Variants in GRM5 observed in about 807,000 individuals in gnomAD.
GRM5 encodes glutamate metabotropic receptor 5.
A neutral mutation model predicts 83.1 loss-of-function variants in GRM5; 19 were observed. That is an observed-to-expected ratio of 0.23 (90% CI 0.16 to 0.34). The LOEUF is 0.34. GRM5 is among the 10% of genes least tolerant of loss of function. The pLI is 1.00. For synonymous variants in GRM5, 675 were observed against 633.6 expected (o/e 1.07, Z -0.98); for missense variants, 1,160 against 1,588.3 (o/e 0.73, Z 4.58).
chr11:88,791,724 C>T lies in GRM5; in HGVS notation c.911+58182G>A, dbSNP rs1943176789. On this transcript the variant is annotated intron_variant, in intron 3 of 9. Transcript: ENST00000305447. ...AGGACATTTAAATTATTTTAAGATA[C>T]TCTATCAATATTTTAAAAGCATACA... is the stretch of plus-strand genomic sequence containing the variant. 2.0e-5 allele frequency among the ~76,000 whole-genome samples: 3 copies of T among 152,124 alleles called. No homozygotes were observed. In the South Asian group the frequency reaches 6.2e-4, roughly 32 times the overall value.
At chr11:88,517,735 G>A (rs966668979) in intron 9 of GRM5, among the ~76,000 whole-genome samples, 1 of 152,068 alleles carries the variant, frequency 6.6e-6, no homozygotes, top group African/African-American at 2.4e-5. Context: ...TACATGTCAG[G>A]CGGTTCCCAT....
intron 3 of GRM5, among the ~76,000 whole-genome samples, chr11:88,739,617 T>C (rs1013739466): frequency 1.2e-4 from 18 of 152,058 alleles, no homozygotes; most frequent in Admixed American, 3.3e-4. Context: ...TGTCCCATGT[T>C]GTTCTCGTGA....
intron 3 of GRM5, among the ~76,000 whole-genome samples, chr11:88,673,096 C>T (rs1478041968): frequency 6.6e-6 from 1 of 151,894 alleles, no homozygotes; most frequent in Non-Finnish European, 1.5e-5. Context: ...GTGAACATGA[C>T]ACAGTCTAAT....
intron 3 of GRM5, among the ~76,000 whole-genome samples, chr11:88,763,725 C>T (rs1942573772): frequency 6.6e-6 from 1 of 151,610 alleles, no homozygotes; most frequent in Admixed American, 6.6e-5. Context: ...ATGTAATCCC[C>T]ATGGTAACCA....
intron 8 of GRM5, among the ~76,000 whole-genome samples, chr11:88,561,486 C>T (rs530104114): frequency 2.6e-5 from 4 of 152,190 alleles, no homozygotes; most frequent in South Asian, 2.1e-4. Flanking sequence ...ATTTTAGAAC[C>T]CCAGTTCCAT....
intron 3 of GRM5, among the ~76,000 whole-genome samples, chr11:88,825,992 G>T (rs1459276449): frequency 6.6e-6 from 1 of 152,168 alleles, no homozygotes; most frequent in Non-Finnish European, 1.5e-5. Flanking sequence ...TATGTAGGAA[G>T]AAGTAATTAT....
intron 3 of GRM5, among the ~76,000 whole-genome samples, chr11:88,701,885 C>A (rs926753739): frequency 6.6e-6 from 1 of 152,064 alleles, no homozygotes; most frequent in African/African-American, 2.4e-5. Flanking sequence ...CATGACTTAA[C>A]TCTTGTCTGG....
chr11:88,770,594 G>C (rs1313312953), intron 3 of GRM5, among the ~76,000 whole-genome samples: 1 of 152,068 alleles, frequency 6.6e-6, no homozygotes, highest in East Asian at 1.9e-4. Context: ...TTTTAACCTT[G>C]TGGAAAGCAG....
intron 7 of GRM5, among the ~76,000 whole-genome samples, chr11:88,578,554 T>C (rs1267969598): frequency 2.0e-5 from 3 of 152,198 alleles, no homozygotes; most frequent in African/African-American, 7.2e-5. Flanking sequence ...TCTGGCAAGA[T>C]GAAAACTGGT....
chr11:88,802,760 T>G (rs4094126), intron 3 of GRM5, among the ~76,000 whole-genome samples: 9 of 146,878 alleles, frequency 6.1e-5, no homozygotes, highest in African/African-American at 2.3e-4. Context: ...TGTTTGCAGA[T>G]GACATGATTG....
chr11:88,761,476 C>T (rs4753712), intron 3 of GRM5, among the ~76,000 whole-genome samples: 8,078 of 152,060 alleles, frequency 0.053, 400 homozygotes, highest in Admixed American at 0.16. Flanking sequence ...AATAAAATAA[C>T]TAGGAATACA....
chr11:88,999,162 C>G (rs1271028607), intron 2 of GRM5, among the ~76,000 whole-genome samples: 1 of 152,154 alleles, frequency 6.6e-6, no homozygotes. Flanking sequence ...CAATATCATT[C>G]AGGACATAGG....
chr11:88,601,911 T>G (rs1329770952), intron 5 of GRM5, among the ~76,000 whole-genome samples: 1 of 152,174 alleles, frequency 6.6e-6, no homozygotes, highest in African/African-American at 2.4e-5. Flanking sequence ...TCAATGTGAC[T>G]GGGTTCCAAA....
chr11:88,771,323 GA>G (rs1360573872), intron 3 of GRM5, among the ~76,000 whole-genome samples: 1 of 152,206 alleles, frequency 6.6e-6, no homozygotes, highest in East Asian at 1.9e-4. Context: ...GAGGAAAAAA[GA>G]AGGCAGGAGG....
At chr11:88,884,687 C>T (rs1455565196) in intron 2 of GRM5, among the ~76,000 whole-genome samples, 2 of 152,166 alleles carry the variant, frequency 1.3e-5, no homozygotes, top group Admixed American at 1.3e-4. Context: ...TGGGAGGTAA[C>T]TGAATGATGA....
chr11:88,567,440 C>G lies in GRM5; in HGVS notation c.2243G>C (p.Gly748Ala). 1 of 1,614,086 alleles carries G rather than the reference C, an allele frequency of 6.2e-7. No homozygotes were observed. Among genetic ancestry groups the G allele is most frequent in the Non-Finnish European group, 8.5e-7 (1 of 1,179,954 alleles). ...LGVVTPLGYN[G>A]LLILSCTFYA... ...GAAGGTGCAGCTCAAAATCAACAAT[C>G]CATTGTATCCAAGTGGAGTGACAAC... Residue 748 changes from glycine (G) to alanine (A), a missense_variant, in exon 8 of 10, where the codon GGA becomes GCA. Around this residue, in one of 9 missense-constraint regions of GRM5, gnomAD observed 66 missense variants for 138.6 expected, o/e 0.48. Coordinates refer to ENST00000305447, the MANE Select transcript of GRM5 (RefSeq NM_001143831.3). The surrounding 1 kb of genome is among the most constrained non-coding windows in gnomAD (Gnocchi z 7.3).
chr11:89,042,755 C>G (rs376932549), intron 2 of GRM5, among the ~76,000 whole-genome samples: 22 of 152,284 alleles, frequency 1.4e-4, no homozygotes, highest in African/African-American at 5.3e-4. Flanking sequence ...AGCATATAGA[C>G]TATGAATCAT....
At chr11:88,964,895 A>C (rs545846577) in intron 2 of GRM5, among the ~76,000 whole-genome samples, 1 of 152,304 alleles carries the variant, frequency 6.6e-6, no homozygotes, top group Middle Eastern at 3.4e-3. Flanking sequence ...TAATAGAATG[A>C]CATCTTTAAA....
chr11:88,905,503 G>A (rs1945388635), intron 2 of GRM5, among the ~76,000 whole-genome samples: 1 of 152,144 alleles, frequency 6.6e-6, no homozygotes, highest in African/African-American at 2.4e-5. Flanking sequence ...CATTACACCT[G>A]GCTAATTTTT....
Sources: gnomAD v4.1 joint callset for allele counts (sites outside exome capture counted in the v4.1 genomes callset) on GRCh38, gnomAD v4.1.1 for gene constraint, gnomAD v4.1.1 regional missense constraint, Gnocchi (gnomAD v3.1) non-coding constraint, MANE v1.5 for transcripts, NCBI Gene and HGNC (gene_info 2026-07-23, HGNC 2026-07-21) for gene names.